HEPH: variants seen among roughly 807,000 people sequenced by gnomAD.
HEPH encodes the protein hephaestin.
A neutral mutation model predicts 80.8 loss-of-function variants in HEPH; 69 were observed. The ratio of observed to expected loss-of-function variants is 0.85; its 90% CI spans 0.70 to 1.04. The LOEUF is 1.04. HEPH is among the 50% of genes least tolerant of loss of function. The pLI is 0.00. For missense variants in HEPH, 1,115 were observed against 891.3 expected (o/e 1.25, Z -3.20); for synonymous variants, 431 against 322.8 (o/e 1.34, Z -3.60).
chrX:66,187,580 C>G (rs2087534353), intron 4 of HEPH, among the ~76,000 whole-genome samples: 1 of 111,969 alleles, frequency 8.9e-6, no homozygotes, highest in African/African-American at 3.3e-5. Context: ...GTTGTCTGCA[C>G]AGAGTCCTGT....
rs755503886 is a variant in HEPH at position 66,170,513 on chromosome X, TTC to T, written c.-13-41_-13-40del. 14 of 1,124,128 alleles carry T rather than the reference TTC, an allele frequency of 1.2e-5. No homozygotes were observed. The East Asian group carries it at 4.2e-4, about 34-fold the overall frequency. 92.6% of individuals were successfully genotyped at this position (1,124,128 alleles called of 1,213,427 possible). On this transcript the variant is annotated intron_variant, in intron 1 of 20. Coordinates refer to ENST00000343002, the MANE Select transcript of HEPH (RefSeq NM_001367233.3). ...TCTGGACACGTAGAAAGCCCCTTTG[TTC>T]TCTTTCTTCTACACCAGCAGTTTTT...
rs768227792 is a variant in HEPH at position 66,266,536 on chromosome X, C to T, written c.3341C>T (p.Ala1114Val). The T allele has an allele frequency of 2.5e-6, 3 of 1,208,367 alleles. No homozygotes were observed. Among genetic ancestry groups the T allele is most frequent in the Non-Finnish European group, 3.4e-6 (3 of 893,303 alleles). ...NVEMLASVLV[A>V]ISVTLLLVVL... ...GAGATGCTGGCCTCTGTTTTGGTTG[C>T]CATTAGTGTCACCCTTCTGCTCGTT... The change falls in exon 21 of 21, where the codon GCC becomes GTC. Residue 1114 changes from alanine to valine, a missense_variant. Physicochemically the swap from Ala to Val is moderately conservative, Grantham distance 64. Coordinates refer to ENST00000343002, the MANE Select transcript of HEPH (RefSeq NM_001367233.3).
At chrX:66,264,784 A>G (rs1258419224) in intron 20 of HEPH, among the ~76,000 whole-genome samples, 1 of 105,623 alleles carries the variant, frequency 9.5e-6, no homozygotes, top group African/African-American at 3.4e-5. Context: ...AACCTGAGCA[A>G]CTAAATTATT....
In HEPH at chrX:66,197,690, T is replaced by G. The variant is rs1279986175; in HGVS notation, c.1509T>G (p.Ser503=). The change falls in exon 10 of 21, where the codon TCT becomes TCG. Residue 503 remains serine (S), a synonymous_variant. Transcript: ENST00000343002. Reference sequence around the variant, plus strand: ...CCCATATTTTCACTACAGGCTCATCTTACCCTGGCTTGGTTGCCAAGCCCT... The same window carrying G: ...CCCATATTTTCACTACAGGCTCATCGTACCCTGGCTTGGTTGCCAAGCCCT... ...YEGTVYNDGS[S]YPGLVAKPFE... is the part of the protein sequence containing the mutation. The G allele has an allele frequency of 8.3e-7, 1 of 1,208,349 alleles. No homozygotes were observed. The highest frequency in any genetic ancestry group is 1.1e-6 in the Non-Finnish European group (1 of 893,595).
At chrX:66,188,942 T>C (rs2087643278) in intron 5 of HEPH, among the ~76,000 whole-genome samples, 2 of 112,600 alleles carry the variant, frequency 1.8e-5, no homozygotes, top group African/African-American at 6.5e-5. Flanking sequence ...ATCCACTTTG[T>C]GGAGAAAAAT....
intron 13 of HEPH, among the ~76,000 whole-genome samples, chrX:66,206,931 C>T (rs190255677): frequency 3.7e-4 from 41 of 110,015 alleles, no homozygotes; most frequent in Admixed American, 8.7e-4. Context: ...GCAGGATAAT[C>T]GCTTGAACTC....
At chrX:66,178,450 G>A (rs1413925896) in intron 4 of HEPH, among the ~76,000 whole-genome samples, 1 of 112,423 alleles carries the variant, frequency 8.9e-6, no homozygotes, top group African/African-American at 3.2e-5. Flanking sequence ...AATCCTTTGG[G>A]TATATACCCA....
chrX:66,220,844 C>T (rs2089613748), intron 15 of HEPH, among the ~76,000 whole-genome samples: 1 of 111,194 alleles, frequency 9.0e-6, no homozygotes, highest in Non-Finnish European at 1.9e-5. Context: ...TGGATCATAA[C>T]ACACATCAGG....
chrX:66,231,287 G>A (rs1257252486), intron 15 of HEPH, among the ~76,000 whole-genome samples: 144 of 107,651 alleles, frequency 1.3e-3, no homozygotes, highest in African/African-American at 4.8e-3. Flanking sequence ...TATGAACTTT[G>A]AAGTAGTTTT....
At chrX:66,235,985 T>C (rs2090346331) in intron 15 of HEPH, among the ~76,000 whole-genome samples, 1 of 112,325 alleles carries the variant, frequency 8.9e-6, no homozygotes, top group African/African-American at 3.2e-5. Flanking sequence ...CTGAAGTTGC[T>C]TATCAGCTTA....
At chrX:66,264,844 A>C (rs1373798746) in intron 20 of HEPH, among the ~76,000 whole-genome samples, 7 of 105,917 alleles carry the variant, frequency 6.6e-5, no homozygotes, top group Non-Finnish European at 1.2e-4. Flanking sequence ...TAAATATTTA[A>C]ATATTTTATA....
At chrX:66,200,836 A>G in intron 12 of HEPH, 84 bp downstream of exon 12, 1 of 707,670 alleles carries the variant, frequency 1.4e-6, no homozygotes. Flanking sequence ...GATGGTGAAG[A>G]GAAAATAATA....
intron 15 of HEPH, among the ~76,000 whole-genome samples, chrX:66,213,087 G>A (rs892347465): frequency 5.5e-5 from 6 of 108,520 alleles, no homozygotes; most frequent in African/African-American, 2.0e-4. Flanking sequence ...ACAAAATGCA[G>A]GTTAGTTACA....
intron 8 of HEPH, 94 bp from the exon 9 acceptor site, chrX:66,195,004 C>A: frequency 1.4e-6 from 1 of 725,370 alleles, no homozygotes. Context: ...TCTTCACTTT[C>A]ACTTTCCTTT....
At chrX:66,209,405 A>G (rs1423664846) in intron 15 of HEPH, among the ~76,000 whole-genome samples, 2 of 112,094 alleles carry the variant, frequency 1.8e-5, no homozygotes, top group Non-Finnish European at 3.8e-5. Flanking sequence ...GATGGAGCTC[A>G]GGAATTTGCT....
At chrX:66,256,373 C>A in intron 17 of HEPH, 43 bp downstream of exon 17, 1 of 966,767 alleles carries the variant, frequency 1.0e-6, no homozygotes, top group Non-Finnish European at 1.5e-6. Context: ...GCAGTCCCTA[C>A]TGGTTACATG....
rs1435089996 is a variant in HEPH at position 66,231,350 on chromosome X, C to T, written c.2563+23104C>T. Among the ~76,000 whole-genome samples the T allele has an allele frequency of 7.9e-3, 815 of 103,224 alleles. 9 individuals carry two copies. Among genetic ancestry groups the T allele is most frequent in the African/African-American group, 0.028 (782 of 27,997 alleles). The allele number at this position is 103,224 out of a possible 115,157, so 89.6% of individuals were successfully genotyped here. Reference sequence around the variant, plus strand: ...TAGCTTGATGGGGATGGCATTGAATCTGTAAATTACCTTGGGCAGTATGGC... The same window carrying T: ...TAGCTTGATGGGGATGGCATTGAATTTGTAAATTACCTTGGGCAGTATGGC... On this transcript the variant is annotated intron_variant, in intron 15 of 20. Coordinates refer to ENST00000343002, the MANE Select transcript of HEPH (RefSeq NM_001367233.3).
At chrX:66,180,218 T>G (rs775686904) in intron 4 of HEPH, among the ~76,000 whole-genome samples, 5 of 111,188 alleles carry the variant, frequency 4.5e-5, no homozygotes, top group Middle Eastern at 4.6e-3. Flanking sequence ...GATTTATGCC[T>G]TCAAGAGGTT....
At chrX:66,226,343 T>A (rs1463329670) in intron 15 of HEPH, among the ~76,000 whole-genome samples, 1 of 111,931 alleles carries the variant, frequency 8.9e-6, no homozygotes, top group Non-Finnish European at 1.9e-5. Flanking sequence ...ACATCAGGAA[T>A]TCTGAAAAAG....
Sources: allele counts gnomAD v4.1 joint callset (sites outside exome capture counted in the v4.1 genomes callset), GRCh38; gene constraint gnomAD v4.1.1; transcripts MANE v1.5; gene names NCBI Gene and HGNC (gene_info 2026-07-23, HGNC 2026-07-21).